The following DNM2 variants were observed in gnomAD, a reference collection of about 807,000 sequenced individuals.
DNM2 encodes dynamin 2.
DNM2 carries 15 observed loss-of-function variants against 99.0 expected under a neutral mutation model. The ratio of observed to expected loss-of-function variants is 0.15; its 90% CI spans 0.10 to 0.23. DNM2 has a LOEUF of 0.23. Ranked by LOEUF, DNM2 falls within the 10% of genes least tolerant of loss-of-function variation. The pLI is 1.00. For missense variants in DNM2, 742 were observed against 1,189.4 expected (o/e 0.62, Z 5.53); for synonymous variants, 525 against 481.2 (o/e 1.09, Z -1.19).
rs1182601017 is a variant in DNM2 at position 10,811,798 on chromosome 19, C to T, written c.1558-466C>T. The T allele has an allele frequency of 3.9e-6, 2 of 518,318 alleles. No individual in the cohort carries two copies. The highest frequency in any genetic ancestry group is 2.8e-5 in the South Asian group (2 of 71,388). The allele number at this position is 518,318 out of a possible 1,614,324, so 32.1% of individuals were successfully genotyped here. A position where few individuals can be genotyped will look rare whatever the true frequency, so the allele number is the denominator to read the frequency against. On this transcript the variant is annotated intron_variant, in intron 14 of 20. Coordinates refer to ENST00000389253, the MANE Select transcript of DNM2 (RefSeq NM_001005361.3). This position sits in a 1 kb window ranked among gnomAD's most constrained non-coding sequence, Gnocchi z 5.4. ...GTCAAAAGGATGACCACCAGGCTTG[C>T]AGCCAGCTTGGGACATGAGCCGCGC...
chr19:10,795,540 C>T lies in DNM2; in HGVS notation c.1196+101C>T. 2.2e-6 allele frequency: 3 copies of T among 1,351,866 alleles called. No individual in the cohort carries two copies. The highest frequency in any genetic ancestry group is 3.2e-6 in the Non-Finnish European group (3 of 949,324). The allele number at this position is 1,351,866 out of a possible 1,614,324, so 83.7% of individuals were successfully genotyped here. On this transcript the variant is annotated intron_variant, in intron 9 of 20. Transcript: ENST00000389253. This position sits in a 1 kb window ranked among gnomAD's most constrained non-coding sequence, Gnocchi z 4.2. ...ACCTCTGAGTCCCTAATCGTTAGGC[C>T]TTAAGAGGGCTCTTGGATGGTTTTC... is the stretch of plus-strand genomic sequence containing the variant.
At chr19:10,766,164 C>T (rs2070789322) in intron 2 of DNM2, among the ~76,000 whole-genome samples, 1 of 152,216 alleles carries the variant, frequency 6.6e-6, no homozygotes, top group South Asian at 2.1e-4. Flanking sequence ...TCCCCAAACC[C>T]TGCTGTCTTT....
At chr19:10,750,100 A>C (rs1377057034) in intron 1 of DNM2, among the ~76,000 whole-genome samples, 1 of 152,148 alleles carries the variant, frequency 6.6e-6, no homozygotes, top group Admixed American at 6.5e-5. Flanking sequence ...CATTTTAGAA[A>C]GGTCACTGGG....
At chr19:10,804,313 A>G (rs2072261028) in intron 12 of DNM2, among the ~76,000 whole-genome samples, 1 of 151,936 alleles carries the variant, frequency 6.6e-6, no homozygotes, top group Non-Finnish European at 1.5e-5. Flanking sequence ...GCTCAGTGCC[A>G]CCTCCTTCAG....
chr19:10,746,717 C>CTTTTTTTTTTTT (rs1279869201), intron 1 of DNM2, among the ~76,000 whole-genome samples: 1 of 103,192 alleles, frequency 9.7e-6, no homozygotes, highest in Non-Finnish European at 1.8e-5. Context: ...ACCGTGCCGG[C>CTTTTTTTTTTTT]TTTTTTTTTG....
chr19:10,721,518 A>G (rs1196034008), intron 1 of DNM2, among the ~76,000 whole-genome samples: 1 of 152,184 alleles, frequency 6.6e-6, no homozygotes, highest in African/African-American at 2.4e-5. Context: ...CTCTTTGGGT[A>G]TGAGGGGCTC....
At chr19:10,737,687 G>C (rs2069579436) in intron 1 of DNM2, among the ~76,000 whole-genome samples, 1 of 152,200 alleles carries the variant, frequency 6.6e-6, no homozygotes, top group African/African-American at 2.4e-5. Flanking sequence ...GTTTCACTAT[G>C]TTGGCCAGGC....
intron 2 of DNM2, among the ~76,000 whole-genome samples, chr19:10,760,794 G>C (rs4804526): frequency 0.38 from 51,391 of 136,100 alleles, 10,108 homozygotes; most frequent in East Asian, 0.58. Context: ...GGGTAGCTAG[G>C]ATTACAGGTG....
intron 13 of DNM2, among the ~76,000 whole-genome samples, chr19:10,808,092 A>G (rs915340983): frequency 4.6e-5 from 7 of 151,926 alleles, no homozygotes; most frequent in African/African-American, 1.7e-4. Context: ...GTGGTGAGCC[A>G]GGATCACACC....
At chr19:10,771,823 G>T (rs2070990550) in intron 2 of DNM2, among the ~76,000 whole-genome samples, 1 of 152,108 alleles carries the variant, frequency 6.6e-6, no homozygotes, top group South Asian at 2.1e-4. Context: ...AGAAACTTTG[G>T]TCATTGGTTA....
At chr19:10,724,457 G>A (rs2069047519) in intron 1 of DNM2, among the ~76,000 whole-genome samples, 1 of 152,282 alleles carries the variant, frequency 6.6e-6, no homozygotes, top group South Asian at 2.1e-4. Context: ...GATAACAGGC[G>A]TGAGCCACTG....
At chr19:10,728,902 G>T (rs931991237) in intron 1 of DNM2, among the ~76,000 whole-genome samples, 1 of 150,962 alleles carries the variant, frequency 6.6e-6, no homozygotes, top group Non-Finnish European at 1.5e-5. Flanking sequence ...AGCTATGATT[G>T]CACCACTGCG....
intron 1 of DNM2, among the ~76,000 whole-genome samples, chr19:10,725,200 C>G (rs753456074): frequency 3.9e-5 from 6 of 152,226 alleles, no homozygotes; most frequent in Non-Finnish European, 8.8e-5. Flanking sequence ...GTAATCCCAG[C>G]ATTTTGGGAG....
chr19:10,730,113 G>A (rs542047884), intron 1 of DNM2, among the ~76,000 whole-genome samples: 2 of 152,106 alleles, frequency 1.3e-5, no homozygotes, highest in African/African-American at 4.8e-5. Context: ...ATCCTTTCAC[G>A]TTGGCCCCCC....
At position 10,820,329 on chromosome 19, in the gene DNM2, G is replaced by A. The variant is rs1034556746; in HGVS notation, c.1781+240G>A. On this transcript the variant is annotated intron_variant, in intron 16 of 20. Coordinates refer to ENST00000389253, the MANE Select transcript of DNM2 (RefSeq NM_001005361.3). This position sits in a 1 kb window ranked among gnomAD's most constrained non-coding sequence, Gnocchi z 4.3. ...GAAGGCAGGCTCCGAGTCAGTGGGA[G>A]CCATGGAGAGTTCTGAGCACAGGGT... is the stretch of plus-strand genomic sequence containing the variant. Among the ~76,000 whole-genome samples the A allele has an allele frequency of 6.6e-6, 1 of 152,260 alleles. No individual in the cohort carries two copies. The highest frequency in any genetic ancestry group is 1.5e-5 in the Non-Finnish European group (1 of 68,046).
chr19:10,803,935 G>GGGATAGACTAT (rs1456989838), intron 12 of DNM2, among the ~76,000 whole-genome samples: 1 of 152,184 alleles, frequency 6.6e-6, no homozygotes, highest in Non-Finnish European at 1.5e-5. Context: ...GAGAGGGTAG[G>GGGATAGACTAT]GGATAGACTA....
chr19:10,779,448 G>A (rs2145940177), intron 5 of DNM2, among the ~76,000 whole-genome samples: 1 of 143,598 alleles, frequency 7.0e-6, no homozygotes, highest in South Asian at 2.2e-4. Context: ...GTTGACATCA[G>A]GGTTCACTCT....
intron 7 of DNM2, among the ~76,000 whole-genome samples, chr19:10,789,289 A>C (rs754929751): frequency 6.6e-6 from 1 of 152,180 alleles, no homozygotes; most frequent in Non-Finnish European, 1.5e-5. Flanking sequence ...ATTCAGCCTA[A>C]GGGTGGACCT....
chr19:10,792,015 C>G lies in DNM2; in HGVS notation c.993-1705C>G, dbSNP rs189065789. 3.4e-3 allele frequency among the ~76,000 whole-genome samples: 518 copies of G among 152,216 alleles called. 2 individuals carry two copies. Among genetic ancestry groups the G allele is most frequent in the African/African-American group, 0.012 (502 of 41,530 alleles). ...AGGCAGGAGAATCACTTGAACCCGG[C>G]AGGCGGAGGTTGCAGTAAGCTGAGA... On this transcript the variant is annotated intron_variant, in intron 7 of 20. Transcript: ENST00000389253.
Sources: gnomAD v4.1 joint callset for allele counts (sites outside exome capture counted in the v4.1 genomes callset) on GRCh38, gnomAD v4.1.1 for gene constraint, Gnocchi (gnomAD v3.1) non-coding constraint, MANE v1.5 for transcripts, NCBI Gene and HGNC (gene_info 2026-07-23, HGNC 2026-07-21) for gene names.